The following RCSD1 variants were observed in gnomAD, a reference collection of about 807,000 sequenced individuals.
RCSD1 encodes the protein capZ-interacting protein.
Under a neutral mutation model 42.5 loss-of-function variants are expected in RCSD1, and 26 were observed. The ratio of observed to expected loss-of-function variants is 0.61; its 90% confidence interval spans 0.45 to 0.85. The LOEUF (loss-of-function observed/expected upper bound fraction) is 0.85. Ranked by LOEUF, RCSD1 falls within the 40% of genes least tolerant of loss-of-function variation. The pLI, the probability that RCSD1 is intolerant of heterozygous loss-of-function variation, is 0.00. For missense variants in RCSD1, 571 were observed against 528.3 expected, an observed-to-expected ratio of 1.08 and a Z score of -0.79; for synonymous variants, 220 against 212.2, an observed-to-expected ratio of 1.04 and a Z score of -0.32.
chr1:167,659,743 C>A (rs959323698), intron 1 of RCSD1, among the ~76,000 whole-genome samples: 17 of 152,170 alleles, frequency 1.1e-4, no homozygotes, highest in Non-Finnish European at 1.5e-5. Context: ...GCCCCCTCCC[C>A]CATTTGCTCC....
At chr1:167,633,677 G>A (rs1283154586) in intron 1 of RCSD1, 1 of 152,214 alleles carries the variant, frequency 6.6e-6, no homozygotes, top group Non-Finnish European at 1.5e-5. Context: ...GAAGGCCAGA[G>A]TTGTATGGCC....
At chr1:167,683,047 T>A (rs1056504683) in intron 1 of RCSD1, among the ~76,000 whole-genome samples, 2 of 152,152 alleles carry the variant, frequency 1.3e-5, no homozygotes, top group South Asian at 2.1e-4. Flanking sequence ...TGGTGACAAA[T>A]GGTACATGAG....
chr1:167,696,949 C>G (rs898587579), intron 5 of RCSD1, 150 bp from the exon 6 acceptor site: 2 of 683,640 alleles, frequency 2.9e-6, no homozygotes, highest in Non-Finnish European at 4.8e-6. Context: ...TAATAAATAG[C>G]AAACAATGAT....
chr1:167,686,704 C>T (rs1403261491), intron 3 of RCSD1, among the ~76,000 whole-genome samples: 3 of 152,228 alleles, frequency 2.0e-5, no homozygotes, highest in South Asian at 2.1e-4. Flanking sequence ...TTTATGGGGT[C>T]ATCAGCCAGT....
intron 1 of RCSD1, among the ~76,000 whole-genome samples, chr1:167,677,222 G>T (rs191228655): frequency 3.9e-5 from 6 of 152,130 alleles, no homozygotes; most frequent in African/African-American, 1.2e-4. Flanking sequence ...CTTGAGGGCC[G>T]TCACGGTTAC....
intron 1 of RCSD1, among the ~76,000 whole-genome samples, chr1:167,656,698 C>T (rs1250703961): frequency 7.2e-5 from 11 of 152,194 alleles, no homozygotes; most frequent in Non-Finnish European, 1.5e-4. Context: ...ATTTACATTG[C>T]CTGCCCACCA....
intron 2 of RCSD1, 117 bp from the exon 3 acceptor site, chr1:167,685,304 A>T (rs1659199472): frequency 4.3e-6 from 3 of 693,518 alleles, no homozygotes; most frequent in Admixed American, 3.2e-5. Flanking sequence ...TAACATCCTA[A>T]CATTCCTAAA....
At chr1:167,640,158 G>A (rs1485144185) in intron 1 of RCSD1, among the ~76,000 whole-genome samples, 1 of 152,178 alleles carries the variant, frequency 6.6e-6, no homozygotes, top group African/African-American at 2.4e-5. Context: ...AGTTTGCGAG[G>A]GCTGCTGCCG....
rs1170586678 is a variant in RCSD1, at chr1:167,694,139, C to T, written c.311C>T (p.Ala104Val). 1.2e-6 allele frequency: 2 copies of T among 1,614,202 alleles called. No homozygotes were observed. The highest frequency in any genetic ancestry group is 1.1e-5 in the South Asian group (1 of 91,086). ...GACCCAGCTGCTCTACTGCCTGGGG[C>T]CTCACCCAAGAGTCCTGGACTCAAG... ...TFDPAALLPGASPKSPGLKAM... is the reference protein window; with the variant it reads ...TFDPAALLPGVSPKSPGLKAM... The change falls in exon 5 of 7, where the codon GCC (alanine) becomes GTC (valine). Residue 104 changes from alanine (A) to valine (V), a missense_variant. Transcript: ENST00000367854.
At chr1:167,677,819 C>G (rs1658987442) in intron 1 of RCSD1, among the ~76,000 whole-genome samples, 1 of 152,156 alleles carries the variant, frequency 6.6e-6, no homozygotes, top group African/African-American at 2.4e-5. Context: ...GGGTAAAATT[C>G]AACAAAACTG....
chr1:167,639,680 G>A (rs943856760), intron 1 of RCSD1, among the ~76,000 whole-genome samples: 5 of 152,204 alleles, frequency 3.3e-5, no homozygotes, highest in African/African-American at 1.2e-4. Flanking sequence ...TTTTAATAGA[G>A]ACGGGGTTTC....
intron 1 of RCSD1, 184 bp downstream of exon 1, chr1:167,630,613 C>G: frequency 2.1e-6 from 1 of 484,240 alleles, no homozygotes; most frequent in Non-Finnish European, 3.3e-6. Flanking sequence ...TCCCTGGTCC[C>G]ACCTAGGACA....
intron 1 of RCSD1, among the ~76,000 whole-genome samples, chr1:167,656,979 G>A (rs1015723137): frequency 2.0e-5 from 3 of 152,206 alleles, no homozygotes; most frequent in Non-Finnish European, 4.4e-5. Context: ...GTCAGACTGG[G>A]ACACATTTTG....
chr1:167,656,002 TCTAAATGTATCTGTTTA>T (rs1360597063), intron 1 of RCSD1, among the ~76,000 whole-genome samples: 1 of 152,244 alleles, frequency 6.6e-6, no homozygotes, highest in Non-Finnish European at 1.5e-5. Context: ...ACATAATCTC[TCTAAATGTATCTGTTTA>T]CAATATACAT....
chr1:167,676,260 A>G (rs181862872), intron 1 of RCSD1, among the ~76,000 whole-genome samples: 2 of 152,338 alleles, frequency 1.3e-5, no homozygotes, highest in Admixed American at 1.3e-4. Context: ...GCTTCCCTTC[A>G]TAGAGCAGTG....
chr1:167,685,620 T>TA, intron 3 of RCSD1, 110 bp downstream of exon 3: 1 of 799,508 alleles, frequency 1.3e-6, no homozygotes, highest in Non-Finnish European at 2.0e-6. Flanking sequence ...GCTCAGACTC[T>TA]GTGCAGGGAA....
chr1:167,639,133 C>A (rs541875364), intron 1 of RCSD1, among the ~76,000 whole-genome samples: 1 of 152,264 alleles, frequency 6.6e-6, no homozygotes, highest in South Asian at 2.1e-4. Flanking sequence ...AGGAGAATGG[C>A]GTGAACCCGG....
At chr1:167,630,517 A>G in intron 1 of RCSD1, 88 bp downstream of exon 1, 3 of 1,340,628 alleles carry the variant, frequency 2.2e-6, no homozygotes, top group Non-Finnish European at 2.9e-6. Context: ...TGCCCTGAGC[A>G]TGGAGCACGC....
chr1:167,694,911 G>C (rs951026876), intron 5 of RCSD1, among the ~76,000 whole-genome samples: 1 of 152,204 alleles, frequency 6.6e-6, no homozygotes, highest in Non-Finnish European at 1.5e-5. Context: ...GAGGAGGTAA[G>C]GATCAGAGAT....
Sources: allele counts gnomAD v4.1 joint callset (sites outside exome capture counted in the v4.1 genomes callset), GRCh38; gene constraint gnomAD v4.1.1; transcripts MANE v1.5; gene names NCBI Gene and HGNC (gene_info 2026-07-23, HGNC 2026-07-21).